Variants in ARID2 observed in about 807,000 individuals in gnomAD.
ARID2 encodes the protein AT-rich interaction domain 2.
A neutral mutation model predicts 184.6 loss-of-function variants in ARID2; 32 were observed. That is an observed-to-expected ratio of 0.17 (90% CI 0.13 to 0.23). ARID2 has a LOEUF of 0.23. Among genes scored for constraint, ARID2 ranks in the 10% least tolerant of loss-of-function variants. ARID2 has a pLI of 1.00. For missense variants in ARID2, 1,696 were observed against 2,197.6 expected, an observed-to-expected ratio of 0.77 and a Z score of 4.56; for synonymous variants, 836 against 772.6, an observed-to-expected ratio of 1.08 and a Z score of -1.36.
chr12:45,882,101 CT>C (rs1944114756), intron 16 of ARID2: 1 of 160,888 alleles, frequency 6.2e-6, no homozygotes, highest in Admixed American at 6.2e-5. Flanking sequence ...GGTGTCCGCG[CT>C]TGTACCACAC....
Position 45,837,428 on chromosome 12 carries a change from A to T in ARID2, c.1120+11A>T. On this transcript the variant is annotated intron_variant, in intron 9 of 20. Transcript: ENST00000334344. ...TTTTAAAGATGAGAGGTGAGTTTTC[A>T]CTGAAGTATTTACTTTCTAAAGTAA... 3 of 1,610,554 alleles carry T rather than the reference A, an allele frequency of 1.9e-6. No homozygotes were observed. Among genetic ancestry groups the T allele is most frequent in the African/African-American group, 1.3e-5 (1 of 74,866 alleles).
intron 16 of ARID2, among the ~76,000 whole-genome samples, chr12:45,861,236 G>A (rs762036218): frequency 6.6e-6 from 1 of 152,076 alleles, no homozygotes; most frequent in Admixed American, 6.6e-5. Context: ...ATATTTGGCT[G>A]TTAAAAGCTT....
Position 45,852,862 on chromosome 12 carries a change from A to G in ARID2, c.4739A>G (p.His1580Arg). The change falls in exon 15 of 21, where the codon CAT (histidine) becomes CGT (arginine). Residue 1580 changes from histidine (H) to arginine (R), a missense_variant. This residue lies in a region of ARID2 where 111 missense variants were observed against 154.0 expected (regional missense o/e 0.72). Coordinates refer to ENST00000334344, the MANE Select transcript of ARID2 (RefSeq NM_152641.4). ...AGTGCTGTTCAGCAAAAGCAACAGCATCCACCAACATATGTACAGAATGTG... is the reference window on the plus strand; with the variant it reads ...AGTGCTGTTCAGCAAAAGCAACAGCGTCCACCAACATATGTACAGAATGTG... ...IESAVQQKQQHPPTYVQNVVP... is the reference protein window; with the variant it reads ...IESAVQQKQQRPPTYVQNVVP... The G allele has an allele frequency of 6.2e-7, 1 of 1,609,652 alleles. No homozygotes were observed.
chr12:45,780,575 C>A (rs1942069561), intron 3 of ARID2, among the ~76,000 whole-genome samples: 1 of 151,952 alleles, frequency 6.6e-6, no homozygotes, highest in African/African-American at 2.4e-5. Flanking sequence ...AACTAAACAG[C>A]AGAGTACATT....
chr12:45,891,542 T>C (rs1169036690), intron 16 of ARID2, among the ~76,000 whole-genome samples: 1 of 152,214 alleles, frequency 6.6e-6, no homozygotes, highest in Non-Finnish European at 1.5e-5. Flanking sequence ...GAGTATGGTA[T>C]TTGTTTATAA....
chr12:45,732,212 T>C (rs1941017826), intron 3 of ARID2, among the ~76,000 whole-genome samples: 1 of 152,210 alleles, frequency 6.6e-6, no homozygotes, highest in South Asian at 2.1e-4. Context: ...TGATATTCTT[T>C]GTATTTATTG....
rs1943567798 is a variant in ARID2, at chr12:45,852,328, C to T, written c.4205C>T (p.Thr1402Ile). 3.7e-6 allele frequency: 6 copies of T among 1,614,168 alleles called. No individual in the cohort carries two copies. Among genetic ancestry groups the T allele is most frequent in the Non-Finnish European group, 4.2e-6 (5 of 1,180,018 alleles). ...PMEPQGTLDI[T>I]QQDTAKGDQL... Reference sequence around the variant, plus strand: ...GAACCACAAGGGACTTTAGATATCACTCAGCAAGATACTGCCAAAGGTGAT... The same window carrying T: ...GAACCACAAGGGACTTTAGATATCATTCAGCAAGATACTGCCAAAGGTGAT... Residue 1402 changes from threonine (T) to isoleucine (I), a missense_variant, in exon 15 of 21, where the codon ACT (threonine) becomes ATT (isoleucine). By Grantham distance (89) the Thr-to-Ile change is moderately conservative (BLOSUM62 -1). Coordinates refer to ENST00000334344, the MANE Select transcript of ARID2 (RefSeq NM_152641.4).
At chr12:45,735,330 G>T (rs1430215583) in intron 3 of ARID2, among the ~76,000 whole-genome samples, 2 of 151,286 alleles carry the variant, frequency 1.3e-5, no homozygotes, top group African/African-American at 2.4e-5. Flanking sequence ...ATTCAAGGAA[G>T]GAAAATAAAA....
At chr12:45,746,000 T>A (rs753106402) in intron 3 of ARID2, among the ~76,000 whole-genome samples, 56 of 152,238 alleles carry the variant, frequency 3.7e-4, no homozygotes, top group Non-Finnish European at 6.9e-4. Flanking sequence ...TTTTTTTTTT[T>A]AAATAACCAA....
At chr12:45,762,981 G>A (rs1393250570) in intron 3 of ARID2, among the ~76,000 whole-genome samples, 5 of 152,178 alleles carry the variant, frequency 3.3e-5, no homozygotes, top group Non-Finnish European at 5.9e-5. Context: ...ATCTATAACA[G>A]CTACTATTTA....
intron 3 of ARID2, among the ~76,000 whole-genome samples, chr12:45,738,359 G>A (rs577274399): frequency 6.6e-6 from 1 of 152,186 alleles, no homozygotes; most frequent in East Asian, 1.9e-4. Flanking sequence ...CTGTCACTCA[G>A]GCTGGAGTGC....
chr12:45,732,888 A>T lies in ARID2; in HGVS notation c.284+1574A>T, dbSNP rs372622384. 2.0e-5 allele frequency among the ~76,000 whole-genome samples: 3 copies of T among 152,318 alleles called. No homozygotes were observed. The East Asian group carries it at 5.8e-4, about 29-fold the overall frequency. The stretch of plus-strand genomic sequence containing the variant: ...TTTTAGCATAATCAAATTAATATCT[A>T]GGCTTCCAATTTTTTTTAACAAAAG... On this transcript the variant is annotated intron_variant, in intron 3 of 20. Transcript: ENST00000334344.
rs955130350 is a variant in ARID2 at position 45,906,292 on chromosome 12, C to T, written c.*1214C>T. 41 of 232,794 alleles carry T rather than the reference C, an allele frequency of 1.8e-4. No homozygotes were observed. The highest frequency in any genetic ancestry group is 5.6e-5 in the Admixed American group (1 of 17,730). The allele number at this position is 232,794 out of a possible 1,614,324, so 14.4% of individuals were successfully genotyped here. A position where few individuals can be genotyped will look rare whatever the true frequency, so the allele number is the denominator to read the frequency against. ...TATTCTTCCATTCTTAATACTGTACCACATTCCTGCTCAGAAACTGCTCAC... is the reference window on the plus strand; with the variant it reads ...TATTCTTCCATTCTTAATACTGTACTACATTCCTGCTCAGAAACTGCTCAC... On this transcript the variant is annotated 3_prime_UTR_variant, in exon 21 of 21. Transcript: ENST00000334344.
rs530078261 is a variant in ARID2 at position 45,878,102 on chromosome 12, T to C, written c.4923-13678T>C. On this transcript the variant is annotated intron_variant, in intron 16 of 20. Transcript: ENST00000334344. Reference sequence around the variant, plus strand: ...AGACATCAGTGTATTCTTCTCCTTGTCCTTCCATCAGTAAGTTGGTTTTTT... The same window carrying C: ...AGACATCAGTGTATTCTTCTCCTTGCCCTTCCATCAGTAAGTTGGTTTTTT... Among the ~76,000 whole-genome samples the C allele has an allele frequency of 2.0e-5, 3 of 152,334 alleles. No individual in the cohort carries two copies. In the South Asian group the frequency reaches 6.2e-4, roughly 32 times the overall value.
In ARID2 at chr12:45,811,437, A is replaced by G. The variant is rs1942707176; in HGVS notation, c.304A>G (p.Lys102Glu). 6.2e-7 allele frequency: 1 copy of G among 1,612,414 alleles called. No individual in the cohort carries two copies. Among genetic ancestry groups the G allele is most frequent in the Non-Finnish European group, 8.5e-7 (1 of 1,178,978 alleles). Residue 102 changes from lysine to glutamate, a missense_variant, in exon 4 of 21, where the codon AAA becomes GAA. Physicochemically the swap from Lys to Glu is moderately conservative, Grantham distance 56. Coordinates refer to ENST00000334344, the MANE Select transcript of ARID2 (RefSeq NM_152641.4). ...YYLRYLEKYE[K>E]VHHFGEDDDE... The stretch of plus-strand genomic sequence containing the variant: ...TTTCAGTTACCTAGAAAAGTACGAG[A>G]AAGTTCATCATTTTGGGGAGGATGA...
rs116685526 is a variant in ARID2 at position 45,880,554 on chromosome 12, C to G, written c.4923-11226C>G. On this transcript the variant is annotated intron_variant, in intron 16 of 20. Transcript: ENST00000334344. ...TTGTTTATTTGTTGGGTGACCCAGG[C>G]AATTTTATTACTTTATCCCTGAACC... Among the ~76,000 whole-genome samples the G allele has an allele frequency of 5.2e-3, 786 of 152,242 alleles. 11 individuals are homozygous for G. Among genetic ancestry groups the G allele is most frequent in the African/African-American group, 0.018 (749 of 41,554 alleles).
Position 45,850,909 on chromosome 12 carries a change from T to G in ARID2, c.2786T>G (p.Val929Gly). ...QQPTQQSVVI[V>G]SQPAQQGQTY... ...CCAACCCAACAAAGCGTAGTGATTGTAAGCCAGCCAGCTCAACAAGGTCAA... is the reference window on the plus strand; with the variant it reads ...CCAACCCAACAAAGCGTAGTGATTGGAAGCCAGCCAGCTCAACAAGGTCAA... The change falls in exon 15 of 21, where the codon GTA becomes GGA. Residue 929 changes from valine to glycine, a missense_variant. Val to Gly is a moderately radical substitution (Grantham distance 109). This residue lies in a region of ARID2 where 713 missense variants were observed against 824.4 expected (regional missense o/e 0.86). Transcript: ENST00000334344. 2 of 1,614,158 alleles carry G rather than the reference T, an allele frequency of 1.2e-6. No homozygotes were observed. Among genetic ancestry groups the G allele is most frequent in the Non-Finnish European group, 1.7e-6 (2 of 1,180,016 alleles).
At chr12:45,785,542 T>C (rs1942180223) in intron 3 of ARID2, among the ~76,000 whole-genome samples, 1 of 151,904 alleles carries the variant, frequency 6.6e-6, no homozygotes, top group Non-Finnish European at 1.5e-5. Flanking sequence ...CCTGGGTTAG[T>C]GGAAAAAAAA....
At chr12:45,794,708 A>G (rs185801223) in intron 3 of ARID2, among the ~76,000 whole-genome samples, 1 of 152,082 alleles carries the variant, frequency 6.6e-6, no homozygotes, top group Non-Finnish European at 1.5e-5. Context: ...TGGTTAAACA[A>G]CCCTAGCTTC....
Sources: gnomAD v4.1 joint callset for allele counts (sites outside exome capture counted in the v4.1 genomes callset) on GRCh38, gnomAD v4.1.1 for gene constraint, gnomAD v4.1.1 regional missense constraint, MANE v1.5 for transcripts, NCBI Gene and HGNC (gene_info 2026-07-23, HGNC 2026-07-21) for gene names.